Variants in PPP1CC observed in about 807,000 individuals in gnomAD.
The protein encoded by PPP1CC is serine/threonine-protein phosphatase PP1-gamma catalytic subunit.
A neutral mutation model predicts 38.4 loss-of-function variants in PPP1CC; 16 were observed. The observed-to-expected ratio is 0.42, with a 90% CI of 0.28 to 0.63. The LOEUF is 0.63. Ranked by LOEUF, PPP1CC falls within the 30% of genes least tolerant of loss-of-function variation. PPP1CC has a pLI of 0.25. For missense variants in PPP1CC, 170 were observed against 391.3 expected (o/e 0.43, Z 4.77); for synonymous variants, 158 against 136.0 (o/e 1.16, Z -1.13).
downstream of PPP1CC, among the ~76,000 whole-genome samples, chr12:110,716,589 G>A (rs1339450323): frequency 6.6e-6 from 1 of 152,140 alleles, no homozygotes; most frequent in African/African-American, 2.4e-5. Flanking sequence ...GTGACCTCAA[G>A]TGATCCACTC....
chr12:110,741,977 C>A (rs1286983613), intron 1 of PPP1CC, among the ~76,000 whole-genome samples: 2 of 152,120 alleles, frequency 1.3e-5, no homozygotes, highest in Non-Finnish European at 2.9e-5. Flanking sequence ...ATAATGATAG[C>A]GTCAGCCTCG....
At chr12:110,721,188 A>C in intron 6 of PPP1CC, 23 bp from the exon 7 acceptor site, 1 of 1,595,514 alleles carries the variant, frequency 6.3e-7, no homozygotes, top group Non-Finnish European at 8.6e-7. Flanking sequence ...AAGACAGTTA[A>C]TTTAGGAAAT....
chr12:110,723,939 T>C (rs1238468288), intron 4 of PPP1CC, among the ~76,000 whole-genome samples: 1 of 152,184 alleles, frequency 6.6e-6, no homozygotes, highest in African/African-American at 2.4e-5. Context: ...GTTCATTTTA[T>C]AGTTAAAAAC....
the PPP1CC span, among the ~76,000 whole-genome samples, chr12:110,710,666 G>A: frequency 6.2e-5 from 9 of 145,222 alleles, no homozygotes; most frequent in African/African-American, 1.0e-4. Flanking sequence ...TGCAGTGAGC[G>A]GAGATTGCAC....
At chr12:110,726,479 A>C (rs2069800802) in intron 3 of PPP1CC, 1 of 152,168 alleles carries the variant, frequency 6.6e-6, no homozygotes, top group African/African-American at 2.4e-5. Flanking sequence ...TGGGAGGCAG[A>C]GGTTGCAGTA....
Position 110,730,562 on chromosome 12 carries a change from T to C in PPP1CC, c.385A>G (p.Ser129Gly), listed in dbSNP as rs1250229358. The C allele has an allele frequency of 3.1e-6, 5 of 1,613,004 alleles. No individual in the cohort carries two copies. The highest frequency in any genetic ancestry group is 4.2e-6 in the Non-Finnish European group (5 of 1,179,740). ...TAAAATCCATAAATTCTGTTGATGCTGGCACATTCATGGTTCCCTCTGAGA... is the reference window on the plus strand; with the variant it reads ...TAAAATCCATAAATTCTGTTGATGCCGGCACATTCATGGTTCCCTCTGAGA... ...FLLRGNHECA[S>G]INRIYGFYDE... Residue 129 changes from serine to glycine, a missense_variant, in exon 3 of 7, where the codon AGC (serine) becomes GGC (glycine). Ser to Gly is a moderately conservative substitution (Grantham distance 56). This residue lies in a region of PPP1CC where 117 missense variants were observed against 344.4 expected (regional missense o/e 0.34). Transcript: ENST00000335007.
rs934782198 is a variant in PPP1CC at position 110,730,635 on chromosome 12, G to T, written c.312C>A (p.Ile104=). Residue 104 remains isoleucine (I), a synonymous_variant, in exon 3 of 7, where the codon ATC becomes ATA. Transcript: ENST00000335007. The part of the protein sequence containing the change: ...VDRGKQSLET[I]CLLLAYKIKY... ...TTATTTTGTAGGCCAGTAAGAGGCA[G>T]ATCGTCTCCAATGACTGCTTTCCCC... 2.5e-6 allele frequency: 4 copies of T among 1,614,172 alleles called. No individual in the cohort carries two copies. Among genetic ancestry groups the T allele is most frequent in the Non-Finnish European group, 3.4e-6 (4 of 1,180,016 alleles).
In PPP1CC at chr12:110,720,074, A is replaced by T. The variant is rs1269305247; in HGVS notation, c.*1002T>A. 1 of 1,444,186 alleles carries T rather than the reference A, an allele frequency of 6.9e-7. No individual in the cohort carries two copies. The highest frequency in any genetic ancestry group is 9.4e-7 in the Non-Finnish European group (1 of 1,068,354). 89.5% of individuals were successfully genotyped at this position (1,444,186 alleles called of 1,614,324 possible). A position where few individuals can be genotyped will look rare whatever the true frequency, so the allele number is the denominator to read the frequency against. On this transcript the variant is annotated 3_prime_UTR_variant, in exon 7 of 7. Transcript: ENST00000335007. ...ACAGTAAGTTAGTTCCTTTGTTTTAACTTATAAGCCTCAACTTCACCGCAG... is the reference window on the plus strand; with the variant it reads ...ACAGTAAGTTAGTTCCTTTGTTTTATCTTATAAGCCTCAACTTCACCGCAG...
chr12:110,729,843 CAG>C (rs1355816910), intron 3 of PPP1CC, among the ~76,000 whole-genome samples: 1 of 152,066 alleles, frequency 6.6e-6, no homozygotes, highest in Non-Finnish European at 1.5e-5. Context: ...ACACTTTTAA[CAG>C]AATAATTTTA....
chr12:110,714,823 A>T (rs1296887693), downstream of PPP1CC, among the ~76,000 whole-genome samples: 2 of 150,760 alleles, frequency 1.3e-5, no homozygotes, highest in Non-Finnish European at 3.0e-5. Context: ...AAAAAAAAAA[A>T]AAAAAAAAAA....
chr12:110,724,621 G>T, intron 4 of PPP1CC, 39 bp downstream of exon 4: 1 of 1,188,668 alleles, frequency 8.4e-7, no homozygotes, highest in Non-Finnish European at 1.3e-6. Context: ...CCTTTGGAAG[G>T]GATCAAAACC....
chr12:110,710,226 C>A, the PPP1CC span, among the ~76,000 whole-genome samples: 1,508 of 151,994 alleles, frequency 9.9e-3, 22 homozygotes, highest in African/African-American at 0.034. Context: ...GGAAAAAGGG[C>A]AAAGATAACC....
intron 3 of PPP1CC, among the ~76,000 whole-genome samples, chr12:110,729,192 C>CTTTTTT (rs1026282471): frequency 7.5e-5 from 9 of 120,284 alleles, no homozygotes; most frequent in Non-Finnish European, 1.0e-4. Flanking sequence ...ATTTTCAAAG[C>CTTTTTT]TTTTTTTTTT....
intron 1 of PPP1CC, chr12:110,734,683 T>C (rs1263924958): frequency 6.5e-6 from 1 of 153,694 alleles, no homozygotes; most frequent in East Asian, 1.9e-4. Context: ...GTTTCTGCAC[T>C]ATAAAATTAT....
downstream of PPP1CC, among the ~76,000 whole-genome samples, chr12:110,717,672 A>G (rs973089601): frequency 3.3e-5 from 5 of 152,180 alleles, no homozygotes. Context: ...CTGGGATTAC[A>G]GGTGTGAGCC....
At position 110,720,930 on chromosome 12, in the gene PPP1CC, G is replaced by A. The variant is rs1036268685; in HGVS notation, c.*146C>T. 8 of 594,610 alleles carry A rather than the reference G, an allele frequency of 1.3e-5. No individual in the cohort carries two copies. The highest frequency in any genetic ancestry group is 2.4e-5 in the Non-Finnish European group (8 of 339,488). 36.8% of individuals were successfully genotyped at this position (594,610 alleles called of 1,614,324 possible). A position where few individuals can be genotyped will look rare whatever the true frequency, so the allele number is the denominator to read the frequency against. ...TCATTTGCTGTTATAACCAGCAAAT[G>A]CCATTCACTAAATCAAAAATGGAAG... On this transcript the variant is annotated 3_prime_UTR_variant, in exon 7 of 7. Coordinates refer to ENST00000335007, the MANE Select transcript of PPP1CC (RefSeq NM_002710.4).
chr12:110,723,885 T>A (rs778203921), intron 4 of PPP1CC, among the ~76,000 whole-genome samples: 26 of 152,118 alleles, frequency 1.7e-4, no homozygotes, highest in Admixed American at 7.2e-4. Context: ...TCTACTCACA[T>A]CTTGAGTGTT....
At chr12:110,727,964 T>A (rs1034785557) in intron 3 of PPP1CC, among the ~76,000 whole-genome samples, 3 of 152,200 alleles carry the variant, frequency 2.0e-5, no homozygotes, top group Non-Finnish European at 4.4e-5. Flanking sequence ...GGCCTCTGCA[T>A]TAAGTAGAAA....
downstream of PPP1CC, among the ~76,000 whole-genome samples, chr12:110,717,381 G>A (rs568075144): frequency 6.6e-6 from 1 of 152,086 alleles, no homozygotes; most frequent in Non-Finnish European, 1.5e-5. Flanking sequence ...ATAGGAAAAT[G>A]GAGACATAGC....
Sources: gnomAD v4.1 joint callset for allele counts (sites outside exome capture counted in the v4.1 genomes callset) on GRCh38, gnomAD v4.1.1 for gene constraint, gnomAD v4.1.1 regional missense constraint, MANE v1.5 for transcripts, NCBI Gene and HGNC (gene_info 2026-07-23, HGNC 2026-07-21) for gene names.